MYORG: variants seen among roughly 807,000 people sequenced by gnomAD.
The protein encoded by MYORG is myogenesis regulating glycosidase, also known as alpha-galactosidase MYORG.
MYORG carries 45 observed loss-of-function variants against 49.8 expected under a neutral mutation model. That is an observed-to-expected ratio of 0.90 (90% CI 0.71 to 1.16). The LOEUF (loss-of-function observed/expected upper bound fraction) is 1.16. Among genes scored for constraint, MYORG ranks in the 50% most tolerant of loss-of-function variants. The pLI is 0.00. For synonymous variants in MYORG, 552 were observed against 462.9 expected (o/e 1.19, Z -2.47); for missense variants, 1,110 against 1,026.5 (o/e 1.08, Z -1.11).
In MYORG at chr9:34,371,624, G is replaced by A. The variant is rs773567307; in HGVS notation, c.1320C>T (p.Ala440=). Residue 440 remains alanine (A), a synonymous_variant, in exon 2 of 2, where the codon GCC becomes GCT. Coordinates refer to ENST00000297625, the MANE Select transcript of MYORG (RefSeq NM_020702.5). ...GCAGGTGTCCCTGGAACCAGTCGCG[G>A]GCCTTTGGGTGCGTGAAGTCTAGCA... The part of the protein sequence containing the change: ...GAVLDFTHPK[A]RDWFQGHLRR... 2 of 1,605,926 alleles carry A rather than the reference G, an allele frequency of 1.2e-6. No homozygotes were observed. Among genetic ancestry groups the A allele is most frequent in the Admixed American group, 1.7e-5 (1 of 59,224 alleles).
rs1162080120 is a variant in MYORG at position 34,371,487 on chromosome 9, C to T, written c.1457G>A (p.Trp486Ter). The T allele has an allele frequency of 6.2e-7, 1 of 1,611,908 alleles. No individual in the cohort carries two copies. Among genetic ancestry groups the T allele is most frequent in the Admixed American group, 1.7e-5 (1 of 60,010 alleles). Residue 486 changes from tryptophan to a stop codon, truncating the protein, a stop_gained, in exon 2 of 2, where the codon TGG (tryptophan) becomes TAG (stop). Coordinates refer to ENST00000297625, the MANE Select transcript of MYORG (RefSeq NM_020702.5). LOFTEE classifies it high-confidence loss of function. ...CGCCATCTCAGTGTAGCGCCGGCTC[C>T]AGACGCTGGGGTCCGGCAGCGGCCG... ...TYRPLPDPSVWSRRYTEMALP... is the reference protein window; with the variant it reads ...TYRPLPDPSV
chr9:34,373,434 G>A (rs73645591), intron 1 of MYORG, among the ~76,000 whole-genome samples: 1,563 of 152,198 alleles, frequency 0.01, 18 homozygotes, highest in African/African-American at 0.031. Flanking sequence ...TGGGAGAGGG[G>A]GTATTGTCCA....
chr9:34,371,023 C>A lies in MYORG; in HGVS notation c.1921G>T (p.Ala641Ser). Residue 641 changes from alanine (A) to serine (S), a missense_variant, in exon 2 of 2, where the codon GCG becomes TCG. Coordinates refer to ENST00000297625, the MANE Select transcript of MYORG (RefSeq NM_020702.5). ...CGGTGAGCTGTCTCGTCGCCGGGCG[C>A]AATCCACCAAAGGGGGCGCACGATA... ...DPIVRPLWWI[A>S]PGDETAHRID... 1.2e-6 allele frequency: 2 copies of A among 1,613,176 alleles called. No homozygotes were observed. The highest frequency in any genetic ancestry group is 1.7e-6 in the Non-Finnish European group (2 of 1,179,862).
rs1392906174 is a variant in MYORG at position 34,370,830 on chromosome 9, T to C, written c.2114A>G (p.Asp705Gly). ...VLLTDYPVDL[D>G]EIAYFTWAS The stretch of plus-strand genomic sequence containing the variant: ...CGCCCAGGTAAAGTAGGCGATCTCA[T>C]CCAGGTCGACCGGGTAATCGGTGAG... Residue 705 changes from aspartate (D) to glycine (G), a missense_variant, in exon 2 of 2, where the codon GAT (aspartate) becomes GGT (glycine). Coordinates refer to ENST00000297625, the MANE Select transcript of MYORG (RefSeq NM_020702.5). 1 of 1,595,722 alleles carries C rather than the reference T, an allele frequency of 6.3e-7. No individual in the cohort carries two copies. The highest frequency in any genetic ancestry group is 1.7e-4 in the Middle Eastern group (1 of 5,990).
rs972325344 is a variant in MYORG, at chr9:34,368,406, T to A, written c.*2393A>T. 2 of 152,240 alleles carry A rather than the reference T, an allele frequency of 1.3e-5. No homozygotes were observed. Among genetic ancestry groups the A allele is most frequent in the African/African-American group, 4.8e-5 (2 of 41,452 alleles). The allele number at this position is 152,240 out of a possible 1,614,324, so 9.4% of individuals were successfully genotyped here. ...TCTATCTCATCATCAGGCTGCAAAT[T>A]TTCCAAACTTTTATAGTCTGTTTCC... On this transcript the variant is annotated 3_prime_UTR_variant, in exon 2 of 2. Transcript: ENST00000297625.
intron 1 of MYORG, among the ~76,000 whole-genome samples, chr9:34,375,327 T>C (rs1009688524): frequency 1.2e-4 from 19 of 152,248 alleles, no homozygotes; most frequent in African/African-American, 4.6e-4. Context: ...GGCCTCATTC[T>C]CAGTGCCCTC....
At position 34,372,790 on chromosome 9, in the gene MYORG, T is replaced by C; in HGVS notation, c.154A>G (p.Lys52Glu). The change falls in exon 2 of 2, where the codon AAA becomes GAA. Residue 52 changes from lysine (K) to glutamate (E), a missense_variant. Transcript: ENST00000297625. ...GAGCCCAGCAGCGGCTTCAGGTCTT[T>C]GGAAGGCTTGGGCTTGGCAGGTGAG... is the stretch of plus-strand genomic sequence containing the variant. ...NFSPAKPKPS[K>E]DLKPLLGSAV... The C allele has an allele frequency of 1.2e-6, 2 of 1,614,016 alleles. No homozygotes were observed. The highest frequency in any genetic ancestry group is 1.7e-4 in the Middle Eastern group (1 of 6,060).
At chr9:34,375,429 C>G (rs1338873711) in intron 1 of MYORG, among the ~76,000 whole-genome samples, 1 of 152,188 alleles carries the variant, frequency 6.6e-6, no homozygotes, top group Admixed American at 6.5e-5. Flanking sequence ...AGCTTTCCTC[C>G]CCATTCCTAT....
In MYORG at chr9:34,373,779, A is replaced by G. The variant is rs550222914; in HGVS notation, c.-63-773T>C. On this transcript the variant is annotated intron_variant, in intron 1 of 1. Transcript: ENST00000297625. ...CCCTTGAGACTTTTAACAGGGCGGT[A>G]GGCTAGCTTCCCTGTCCCCAGAGGG... 2.4e-4 allele frequency among the ~76,000 whole-genome samples: 37 copies of G among 152,250 alleles called. No homozygotes were observed. In the East Asian group the frequency reaches 7.0e-3, roughly 29 times the overall value.
In MYORG at chr9:34,371,109, GC is replaced by G; in HGVS notation, c.1834del (p.Ala612ProfsTer142). The G allele has an allele frequency of 6.2e-7, 1 of 1,608,204 alleles. No homozygotes were observed. Among genetic ancestry groups the G allele is most frequent in the Non-Finnish European group, 8.5e-7 (1 of 1,176,190 alleles). On this transcript the variant is annotated frameshift_variant, in exon 2 of 2. Coordinates refer to ENST00000297625, the MANE Select transcript of MYORG (RefSeq NM_020702.5). LOFTEE classifies it high-confidence loss of function. ...AIAQKFAALR[A>X]SLVAPLLLEL... ...AAGCAACAGCGGTGCCACAAGCGAG[GC>G]CCGCAGGGCGGCGAACTTCTGCGCG... is the stretch of plus-strand genomic sequence containing the variant.
chr9:34,370,503 C>A lies in MYORG; in HGVS notation c.*296G>T, dbSNP rs1409630909. 2.5e-5 allele frequency: 9 copies of A among 355,036 alleles called. No homozygotes were observed. Among genetic ancestry groups the A allele is most frequent in the African/African-American group, 4.1e-5 (2 of 48,808 alleles). The allele number at this position is 355,036 out of a possible 1,614,324, so 22.0% of individuals were successfully genotyped here. On this transcript the variant is annotated 3_prime_UTR_variant, in exon 2 of 2. Coordinates refer to ENST00000297625, the MANE Select transcript of MYORG (RefSeq NM_020702.5). ...CCATGTATAACAGGAAGAGAGCTGA[C>A]CTTTTTCCTCTAAGCTCTCTGGCTT... is the stretch of plus-strand genomic sequence containing the variant.
chr9:34,373,612 C>G (rs1041739102), intron 1 of MYORG, among the ~76,000 whole-genome samples: 3 of 152,140 alleles, frequency 2.0e-5, no homozygotes, highest in Non-Finnish European at 4.4e-5. Context: ...ACCACCACAC[C>G]TAGCTAATTT....
Position 34,371,676 on chromosome 9 carries a change from A to C in MYORG, c.1268T>G (p.Val423Gly). ...REPTGRLPAL[V>G]RWWNGIGAVL... ...CGCGCCGATGCCGTTCCACCAGCGC[A>C]CCAGCGCAGGTAACCGGCCCGTGGG... Residue 423 changes from valine (V) to glycine (G), a missense_variant, in exon 2 of 2, where the codon GTG (valine) becomes GGG (glycine). Coordinates refer to ENST00000297625, the MANE Select transcript of MYORG (RefSeq NM_020702.5). 1 of 1,608,850 alleles carries C rather than the reference A, an allele frequency of 6.2e-7. No individual in the cohort carries two copies. Among genetic ancestry groups the C allele is most frequent in the Non-Finnish European group, 8.5e-7 (1 of 1,177,708 alleles).
In MYORG at chr9:34,372,435, C is replaced by A; in HGVS notation, c.509G>T (p.Arg170Leu). The change falls in exon 2 of 2, where the codon CGG (arginine) becomes CTG (leucine). Residue 170 changes from arginine to leucine, a missense_variant. Transcript: ENST00000297625. ...RVRWEEAAPG[R>L]AVEHAMFLGD... ...CAAGAACATGGCGTGCTCCACGGCC[C>A]GGCCCGGCGCTGCCTCCTCCCAGCG... The A allele has an allele frequency of 6.3e-7, 1 of 1,579,538 alleles. No individual in the cohort carries two copies. The highest frequency in any genetic ancestry group is 8.6e-7 in the Non-Finnish European group (1 of 1,163,850).
At chr9:34,375,074 C>T (rs972616268) in intron 1 of MYORG, among the ~76,000 whole-genome samples, 2 of 152,154 alleles carry the variant, frequency 1.3e-5, no homozygotes, top group Non-Finnish European at 2.9e-5. Flanking sequence ...ACACAGCCAG[C>T]CAGTTGGTTG....
chr9:34,372,055 C>T lies in MYORG; in HGVS notation c.889G>A (p.Val297Met), dbSNP rs755370165. ...SDVTSIHKYM[V>M]RRYFNKPSRV... ...GACGGCTTGTTGAAGTAGCGACGCA[C>T]CATGTACTTGTGGATGGAGGTGACG... The change falls in exon 2 of 2, where the codon GTG becomes ATG. Residue 297 changes from valine to methionine, a missense_variant. Transcript: ENST00000297625. 6.2e-7 allele frequency: 1 copy of T among 1,613,852 alleles called. No homozygotes were observed. Among genetic ancestry groups the T allele is most frequent in the South Asian group, 1.1e-5 (1 of 91,090 alleles).
Position 34,372,679 on chromosome 9 carries a change from G to A in MYORG, c.265C>T (p.Arg89Cys), listed in dbSNP as rs1391713161. ...SVSLRKAERL[R>C]AELLDLKAGG... is the part of the protein sequence containing the mutation. ...GCTTTCAGGTCCAGCAGCTCCGCGC[G>A]AAGTCGCTCCGCCTTGCGTAGGGAG... The change falls in exon 2 of 2, where the codon CGC becomes TGC. Residue 89 changes from arginine to cysteine, a missense_variant. Coordinates refer to ENST00000297625, the MANE Select transcript of MYORG (RefSeq NM_020702.5). 1 of 1,609,376 alleles carries A rather than the reference G, an allele frequency of 6.2e-7. No individual in the cohort carries two copies. Among genetic ancestry groups the A allele is most frequent in the African/African-American group, 1.3e-5 (1 of 75,026 alleles).
rs1563981470 is a variant in MYORG at position 34,371,327 on chromosome 9, G to A, written c.1617C>T (p.Leu539=). The A allele has an allele frequency of 2.5e-6, 4 of 1,612,680 alleles. No individual in the cohort carries two copies. Among genetic ancestry groups the A allele is most frequent in the Middle Eastern group, 3.3e-4 (2 of 6,062 alleles). ...LGLRSLIPAV[L]TVSMLGYPFI... is the part of the protein sequence containing the mutation. The stretch of plus-strand genomic sequence containing the variant: ...ATGGGTAGCCCAGCATGCTGACGGT[G>A]AGCACCGCGGGGATGAGTGAGCGCA... The change falls in exon 2 of 2, where the codon CTC becomes CTT. Residue 539 remains leucine (L), a synonymous_variant. Transcript: ENST00000297625.
chr9:34,373,971 G>A (rs1387146463), intron 1 of MYORG, among the ~76,000 whole-genome samples: 1 of 152,220 alleles, frequency 6.6e-6, no homozygotes, highest in Non-Finnish European at 1.5e-5. Flanking sequence ...TGGGGCAGGA[G>A]CCTGGCATGG....
Sources: gnomAD v4.1 joint callset for allele counts (sites outside exome capture counted in the v4.1 genomes callset) on GRCh38, gnomAD v4.1.1 for gene constraint, MANE v1.5 for transcripts, NCBI Gene and HGNC (gene_info 2026-07-23, HGNC 2026-07-21) for gene names.